The following ANO6 variants were observed in gnomAD, a reference collection of about 807,000 sequenced individuals.
ANO6 encodes the protein anoctamin 6, also known as anoctamin-6.
Under a neutral mutation model 117.5 loss-of-function variants are expected in ANO6, and 106 were observed. The ratio of observed to expected loss-of-function variants is 0.90; its 90% CI spans 0.77 to 1.06. ANO6 has a LOEUF of 1.06. Ranked by LOEUF, ANO6 falls within the 50% of genes least tolerant of loss-of-function variation. The pLI, the probability that ANO6 is intolerant of heterozygous loss-of-function variation, is 0.00. For missense variants in ANO6, 955 were observed against 1,121.1 expected (o/e 0.85, Z 2.12); for synonymous variants, 367 against 385.1 (o/e 0.95, Z 0.55).
At chr12:45,219,099 C>G (rs1691401690) in intron 1 of ANO6, among the ~76,000 whole-genome samples, 2 of 152,040 alleles carry the variant, frequency 1.3e-5, no homozygotes, top group Non-Finnish European at 1.5e-5. Flanking sequence ...GCCACTGTAC[C>G]CAGCCTTAGA....
At chr12:45,418,308 G>C (rs1055429546) in intron 17 of ANO6, among the ~76,000 whole-genome samples, 3 of 152,144 alleles carry the variant, frequency 2.0e-5, no homozygotes, top group Non-Finnish European at 4.4e-5. Context: ...TTTGGAGAAA[G>C]TTGCAAATCG....
At chr12:45,399,440 C>T (rs533745343) in intron 12 of ANO6, among the ~76,000 whole-genome samples, 46 of 151,996 alleles carry the variant, frequency 3.0e-4, no homozygotes, top group East Asian at 7.7e-4. Flanking sequence ...ATGATCTGCC[C>T]GCCGCAGCCC....
At chr12:45,436,473 G>A (rs1405475090), downstream of ANO6, among the ~76,000 whole-genome samples, 9 of 152,064 alleles carry the variant, frequency 5.9e-5, no homozygotes, top group African/African-American at 1.2e-4. Context: ...ACTACTTGGC[G>A]TCATTATGAA....
At chr12:45,390,347 T>G in intron 11 of ANO6, 74 bp from the exon 12 acceptor site, 1 of 1,164,056 alleles carries the variant, frequency 8.6e-7, no homozygotes, top group Non-Finnish European at 1.3e-6. Flanking sequence ...TAAGATTTAT[T>G]GGCGAGTCAG....
At chr12:45,274,126 C>T (rs1490088542) in intron 1 of ANO6, among the ~76,000 whole-genome samples, 1 of 152,154 alleles carries the variant, frequency 6.6e-6, no homozygotes, top group Non-Finnish European at 1.5e-5. Flanking sequence ...CTTTGGAGCA[C>T]CCAGGGCTTA....
chr12:45,310,631 G>C (rs1172940108), intron 2 of ANO6, among the ~76,000 whole-genome samples: 2 of 152,080 alleles, frequency 1.3e-5, no homozygotes, highest in Non-Finnish European at 2.9e-5. Context: ...TTAAAGGTCT[G>C]GTGAAGTCTA....
intron 2 of ANO6, among the ~76,000 whole-genome samples, chr12:45,322,932 T>C (rs1020120656): frequency 3.3e-5 from 5 of 152,182 alleles, no homozygotes; most frequent in African/African-American, 1.2e-4. Flanking sequence ...ACTATATCAT[T>C]GAACGTATTT....
At chr12:45,280,024 G>A (rs185635441) in intron 1 of ANO6, among the ~76,000 whole-genome samples, 12 of 152,260 alleles carry the variant, frequency 7.9e-5, no homozygotes, top group African/African-American at 2.9e-4. Context: ...CAGCTCCAAA[G>A]CACACTTGGA....
At chr12:45,251,986 A>T (rs1937638213) in intron 1 of ANO6, among the ~76,000 whole-genome samples, 1 of 152,218 alleles carries the variant, frequency 6.6e-6, no homozygotes, top group Non-Finnish European at 1.5e-5. Context: ...TACTTGTTCA[A>T]CTAACACTTC....
chr12:45,390,547 T>C lies in ANO6; in HGVS notation c.1386+49T>C, dbSNP rs111388721. 4,054 of 1,509,452 alleles carry C rather than the reference T, an allele frequency of 2.7e-3. 76 individuals carry two copies. In the African/African-American group the frequency reaches 0.043, roughly 16 times the overall value. The allele number at this position is 1,509,452 out of a possible 1,614,324, so 93.5% of individuals were successfully genotyped here. The stretch of plus-strand genomic sequence containing the variant: ...TGAATGATTAAAAATGTTTTTATTA[T>C]GTAACAGATTTTTTTAATATCTAAT... On this transcript the variant is annotated intron_variant, in intron 12 of 19. Transcript: ENST00000320560.
intron 1 of ANO6, among the ~76,000 whole-genome samples, chr12:45,270,683 C>T (rs535025839): frequency 6.6e-6 from 1 of 152,232 alleles, no homozygotes; most frequent in African/African-American, 2.4e-5. Context: ...ACTTTTTATT[C>T]CTCAGTCCAC....
intron 1 of ANO6, among the ~76,000 whole-genome samples, chr12:45,248,803 A>C (rs1947861925): frequency 6.6e-6 from 1 of 152,222 alleles, no homozygotes; most frequent in African/African-American, 2.4e-5. Context: ...TCATTTTAAC[A>C]AAGGGTTGTG....
chr12:45,420,784 G>A (rs996956939), intron 17 of ANO6, among the ~76,000 whole-genome samples: 26 of 152,306 alleles, frequency 1.7e-4, no homozygotes, highest in African/African-American at 6.0e-4. Context: ...GCTGAGGTGG[G>A]CAGATCACCT....
At position 45,430,838 on chromosome 12, in the gene ANO6, C is replaced by G; in HGVS notation, c.*1527C>G. 1 of 985,438 alleles carries G rather than the reference C, an allele frequency of 1.0e-6. No individual in the cohort carries two copies. Among genetic ancestry groups the G allele is most frequent in the Non-Finnish European group, 1.2e-6 (1 of 830,004 alleles). The allele number at this position is 985,438 out of a possible 1,614,324, so 61.0% of individuals were successfully genotyped here. On this transcript the variant is annotated 3_prime_UTR_variant, in exon 20 of 20. Transcript: ENST00000320560. ...AGGGAGCCAGGCCCTCTCACCCCTA[C>G]TGGTAACAGGTCATTGCTGGGTGCA...
At chr12:45,436,922 C>T (rs112618855), downstream of ANO6, among the ~76,000 whole-genome samples, 2,960 of 152,214 alleles carry the variant, frequency 0.019, 89 homozygotes, top group African/African-American at 0.067. Context: ...GCTGAAATTG[C>T]GCCATTGCAC....
chr12:45,411,135 C>T lies in ANO6; in HGVS notation c.2011+1648C>T, dbSNP rs369404467. On this transcript the variant is annotated intron_variant, in intron 16 of 19. Transcript: ENST00000320560. ...TTTTAAAAATCCTGGGGCAGAATGT[C>T]ATTTATTATTTTTAAAAAGTTATTT... 2.1e-4 allele frequency among the ~76,000 whole-genome samples: 32 copies of T among 152,228 alleles called. No individual in the cohort carries two copies. In the South Asian group the frequency reaches 6.4e-3, roughly 31 times the overall value.
intron 19 of ANO6, among the ~76,000 whole-genome samples, chr12:45,428,669 A>G (rs895706884): frequency 2.6e-5 from 4 of 152,140 alleles, no homozygotes; most frequent in African/African-American, 9.7e-5. Context: ...ATATATACAT[A>G]TTTTGTCAAA....
chr12:45,278,085 C>A (rs1411066116), intron 1 of ANO6, among the ~76,000 whole-genome samples: 1 of 152,000 alleles, frequency 6.6e-6, no homozygotes, highest in Admixed American at 6.6e-5. Flanking sequence ...CCCTCCACCT[C>A]GTAGCTAAGA....
At chr12:45,404,508 G>T in intron 15 of ANO6, among the ~76,000 whole-genome samples, 1 of 152,086 alleles carries the variant, frequency 6.6e-6, no homozygotes, top group East Asian at 1.9e-4. Flanking sequence ...TGTTAGTGGG[G>T]CTGTGTTCAT....
Sources: gnomAD v4.1 joint callset for allele counts (sites outside exome capture counted in the v4.1 genomes callset) on GRCh38, gnomAD v4.1.1 for gene constraint, MANE v1.5 for transcripts, NCBI Gene and HGNC (gene_info 2026-07-23, HGNC 2026-07-21) for gene names.